The following ALPK3 variants were observed in gnomAD, a reference collection of about 807,000 sequenced individuals.
ALPK3 encodes the protein alpha-protein kinase 3.
ALPK3 carries 102 observed loss-of-function variants against 140.0 expected under a neutral mutation model. The ratio of observed to expected loss-of-function variants is 0.73; its 90% CI spans 0.62 to 0.86. The LOEUF is 0.86. ALPK3 is among the 40% of genes least tolerant of loss of function. The probability of loss-of-function intolerance (pLI) is 0.00; values close to 1 mark genes in which losing one functional copy is unlikely to be tolerated. For missense variants in ALPK3, 2,254 were observed against 2,208.2 expected (o/e 1.02, Z -0.42); for synonymous variants, 938 against 898.5 (o/e 1.04, Z -0.79).
rs1964013398 is a variant in ALPK3, at chr15:84,867,357, A to T, written c.4764A>T (p.Lys1588Asn). The change falls in exon 13 of 14, where the codon AAA (lysine) becomes AAT (asparagine). Residue 1588 changes from lysine (K) to asparagine (N), a missense_variant. Lys to Asn is a moderately conservative substitution (Grantham distance 94). Transcript: ENST00000258888. The part of the protein sequence containing the change: ...WKMTDVQIAT[K>N]LRGYQGLKES... ...TGACTGATGTGCAGATTGCTACCAA[A>T]CTCCGAGGGTGAGTGGTTCTTGGGG... The T allele has an allele frequency of 1.2e-6, 2 of 1,613,812 alleles. No homozygotes were observed. The highest frequency in any genetic ancestry group is 1.7e-6 in the Non-Finnish European group (2 of 1,179,896).
At chr15:84,851,717 T>G (rs1475771730) in intron 5 of ALPK3, among the ~76,000 whole-genome samples, 2 of 152,212 alleles carry the variant, frequency 1.3e-5, no homozygotes, top group Non-Finnish European at 2.9e-5. Context: ...TTTGTTTTAT[T>G]TATTTGGAAT....
chr15:84,840,163 A>C lies in ALPK3; in HGVS notation c.884A>C (p.Tyr295Ser). Residue 295 changes from tyrosine (Y) to serine (S), a missense_variant, in exon 5 of 14, where the codon TAC becomes TCC. By Grantham distance (144) the Tyr-to-Ser change is moderately radical. Around this residue, in one of 3 missense-constraint regions of ALPK3, gnomAD observed 2,088 missense variants for 2,022.9 expected, o/e 1.03. Coordinates refer to ENST00000258888, the MANE Select transcript of ALPK3 (RefSeq NM_020778.5). The stretch of plus-strand genomic sequence containing the variant: ...GACGGAGAGCATGGCTTGCTGACAT[A>C]CATCTGTGACGCCATGGAGCTGGGG... ...GEDGEHGLLT[Y>S]ICDAMELGPQ... The C allele has an allele frequency of 1.9e-6, 3 of 1,613,888 alleles. No homozygotes were observed. The highest frequency in any genetic ancestry group is 2.5e-6 in the Non-Finnish European group (3 of 1,179,932).
intron 3 of ALPK3, among the ~76,000 whole-genome samples, chr15:84,829,843 T>C (rs950061039): frequency 3.3e-5 from 5 of 152,218 alleles, no homozygotes; most frequent in African/African-American, 9.6e-5. Flanking sequence ...GAAAGAACTT[T>C]AGAATGCTCA....
chr15:84,826,212 C>T (rs533496843), intron 2 of ALPK3, among the ~76,000 whole-genome samples: 2 of 152,274 alleles, frequency 1.3e-5, no homozygotes, highest in South Asian at 2.1e-4. Flanking sequence ...AAAGATACAT[C>T]GAATGTGGAA....
rs759573630 is a variant in ALPK3 at position 84,840,715 on chromosome 15, A to T, written c.1436A>T (p.Asn479Ile). 4 of 1,613,314 alleles carry T rather than the reference A, an allele frequency of 2.5e-6. No homozygotes were observed. The highest frequency in any genetic ancestry group is 3.4e-6 in the Non-Finnish European group (4 of 1,179,664). Residue 479 changes from asparagine (N) to isoleucine (I), a missense_variant, in exon 5 of 14, where the codon AAC (asparagine) becomes ATC (isoleucine). By Grantham distance (149) the Asn-to-Ile change is moderately radical. Transcript: ENST00000258888. ...SLTPQPTRPF[N>I]RKRFAPPKPK... ...ACCCCCCAGCCGACTAGGCCTTTCAACAGAAAGAGATTTGCCCCTCCAAAG... is the reference window on the plus strand; with the variant it reads ...ACCCCCCAGCCGACTAGGCCTTTCATCAGAAAGAGATTTGCCCCTCCAAAG...
chr15:84,822,845 C>T (rs567871864), intron 1 of ALPK3, among the ~76,000 whole-genome samples: 1 of 152,330 alleles, frequency 6.6e-6, no homozygotes, highest in East Asian at 1.9e-4. Flanking sequence ...CCTCTTTAAC[C>T]ATACTTTAAC....
chr15:84,851,072 A>G (rs1416663769), intron 5 of ALPK3, among the ~76,000 whole-genome samples: 5 of 152,226 alleles, frequency 3.3e-5, no homozygotes, highest in Non-Finnish European at 7.3e-5. Context: ...TGACATATGC[A>G]TGAAATAAAT....
At chr15:84,827,348 A>G (rs1596146325) in intron 2 of ALPK3, 136 bp from the exon 3 acceptor site, 1 of 1,298,120 alleles carries the variant, frequency 7.7e-7, no homozygotes, top group East Asian at 2.3e-5. Context: ...CCTTGAAGAA[A>G]GACTTGCCGG....
intron 5 of ALPK3, among the ~76,000 whole-genome samples, chr15:84,854,640 CTTTA>C (rs1292957054): frequency 6.6e-6 from 1 of 152,136 alleles, no homozygotes; most frequent in African/African-American, 2.4e-5. Flanking sequence ...AAGTGATTAT[CTTTA>C]TTTAGGTAAA....
At chr15:84,818,736 C>T (rs1448164629) in intron 1 of ALPK3, among the ~76,000 whole-genome samples, 2 of 152,204 alleles carry the variant, frequency 1.3e-5, no homozygotes, top group Non-Finnish European at 2.9e-5. Context: ...CTGCATAAAA[C>T]TCGTCAAATG....
chr15:84,822,375 G>A (rs1191706139), intron 1 of ALPK3, among the ~76,000 whole-genome samples: 1 of 152,162 alleles, frequency 6.6e-6, no homozygotes, highest in Non-Finnish European at 1.5e-5. Context: ...GTTTGGTGTT[G>A]TGGTTATAAA....
intron 5 of ALPK3, among the ~76,000 whole-genome samples, chr15:84,847,248 A>AGAGAGG (rs1963743288): frequency 7.1e-6 from 1 of 140,356 alleles, no homozygotes; most frequent in Non-Finnish European, 1.6e-5. Flanking sequence ...AGAGAGAGAG[A>AGAGAGG]GGAATCAGAA....
intron 5 of ALPK3, among the ~76,000 whole-genome samples, chr15:84,849,834 C>T (rs914371262): frequency 5.3e-5 from 8 of 151,432 alleles, no homozygotes; most frequent in Admixed American, 3.3e-4. Flanking sequence ...ACCTAAGTTC[C>T]CACCTTAGAA....
chr15:84,859,491 C>T lies in ALPK3; in HGVS notation c.3965+101C>T, dbSNP rs116770529. 3,159 of 1,454,414 alleles carry T rather than the reference C, an allele frequency of 2.2e-3. 48 individuals carry two copies. In the African/African-American group the frequency reaches 0.027, roughly 12 times the overall value. 90.1% of individuals were successfully genotyped at this position (1,454,414 alleles called of 1,614,324 possible). A position where few individuals can be genotyped will look rare whatever the true frequency, so the allele number is the denominator to read the frequency against. On this transcript the variant is annotated intron_variant, in intron 7 of 13. Coordinates refer to ENST00000258888, the MANE Select transcript of ALPK3 (RefSeq NM_020778.5). ...TTGAACCTATCGCCTCATTAATCCT[C>T]ACAATAACCAGGGGAGGTCCTTTTA...
At chr15:84,851,659 G>T (rs1963803853) in intron 5 of ALPK3, among the ~76,000 whole-genome samples, 1 of 152,002 alleles carries the variant, frequency 6.6e-6, no homozygotes, top group South Asian at 2.1e-4. Context: ...CCACACAAAG[G>T]TTGCATATTA....
At chr15:84,849,239 A>G (rs1442788831) in intron 5 of ALPK3, among the ~76,000 whole-genome samples, 1 of 152,236 alleles carries the variant, frequency 6.6e-6, no homozygotes, top group Non-Finnish European at 1.5e-5. Flanking sequence ...TATGCACCTA[A>G]CAACATACCT....
At chr15:84,864,408 C>G in intron 11 of ALPK3, 34 bp from the exon 12 acceptor site, 2 of 1,596,426 alleles carry the variant, frequency 1.3e-6, no homozygotes, top group Non-Finnish European at 1.7e-6. Context: ...CTGGGCCATA[C>G]TTCCTGCTTA....
chr15:84,868,751 G>T lies in ALPK3; in HGVS notation c.*295G>T, dbSNP rs1318799418. On this transcript the variant is annotated 3_prime_UTR_variant, in exon 14 of 14. Coordinates refer to ENST00000258888, the MANE Select transcript of ALPK3 (RefSeq NM_020778.5). ...AGGCCCTCCTTGAAGTTTACACTTTGCCACTGCTGGAGGCTCCCCTGAGTC... is the reference window on the plus strand; with the variant it reads ...AGGCCCTCCTTGAAGTTTACACTTTTCCACTGCTGGAGGCTCCCCTGAGTC... 4.6e-6 allele frequency: 2 copies of T among 437,718 alleles called. No homozygotes were observed. Among genetic ancestry groups the T allele is most frequent in the Non-Finnish European group, 8.3e-6 (2 of 239,634 alleles). The allele number at this position is 437,718 out of a possible 1,614,324, so 27.1% of individuals were successfully genotyped here.
chr15:84,858,106 C>G lies in ALPK3; in HGVS notation c.3368C>G (p.Ala1123Gly), dbSNP rs775253274. 6.4e-7 allele frequency: 1 copy of G among 1,574,724 alleles called. No individual in the cohort carries two copies. Among genetic ancestry groups the G allele is most frequent in the South Asian group, 1.2e-5 (1 of 84,178 alleles). The change falls in exon 6 of 14, where the codon GCC becomes GGC. Residue 1123 changes from alanine to glycine, a missense_variant. Physicochemically the swap from Ala to Gly is moderately conservative, Grantham distance 60. This residue lies in a region of ALPK3 where 2,088 missense variants were observed against 2,022.9 expected (regional missense o/e 1.03). Transcript: ENST00000258888. ...CTGGGGGAGGCGGGTGGGCAGGCAG[C>G]CCCTGGACAGGGGCCCTCAGCAGAG... ...GRLGEAGGQA[A>G]PGQGPSAESI...
Sources: allele counts gnomAD v4.1 joint callset (sites outside exome capture counted in the v4.1 genomes callset), GRCh38; gene constraint gnomAD v4.1.1; regional missense constraint gnomAD v4.1.1; transcripts MANE v1.5; gene names NCBI Gene and HGNC (gene_info 2026-07-23, HGNC 2026-07-21).